The following HERC1 variants were observed in gnomAD, a reference collection of about 807,000 sequenced individuals.
The protein encoded by HERC1 is HECT and RLD domain containing E3 ubiquitin protein ligase family member 1.
In HERC1, 160 loss-of-function variants were observed where a neutral mutation model predicts 554.3. The observed-to-expected ratio is 0.29, with a 90% CI of 0.25 to 0.33. The LOEUF is 0.33. Among genes scored for constraint, HERC1 ranks in the 10% least tolerant of loss-of-function variants. The pLI, the probability that HERC1 is intolerant of heterozygous loss-of-function variation, is 1.00. For missense variants in HERC1, 4,919 were observed against 5,918.5 expected, an observed-to-expected ratio of 0.83 and a Z score of 5.54; for synonymous variants, 2,175 against 2,131.7, an observed-to-expected ratio of 1.02 and a Z score of -0.56.
chr15:63,715,980 A>G (rs1287711338), intron 22 of HERC1, among the ~76,000 whole-genome samples: 2 of 152,178 alleles, frequency 1.3e-5, no homozygotes, highest in Non-Finnish European at 2.9e-5. Flanking sequence ...CTGGTGGACA[A>G]CTTGTTGCCC....
chr15:63,617,488 T>C (rs1173783252), intron 74 of HERC1, among the ~76,000 whole-genome samples: 4 of 152,248 alleles, frequency 2.6e-5, no homozygotes, highest in Non-Finnish European at 4.4e-5. Flanking sequence ...TGTGTCCTTA[T>C]AGCAGAATGT....
At chr15:63,752,932 C>G (rs531262356) in intron 8 of HERC1, 26 bp downstream of exon 8, 4 of 1,607,270 alleles carry the variant, frequency 2.5e-6, no homozygotes, top group African/African-American at 2.7e-5. Flanking sequence ...TACTCTAAGT[C>G]TTTTATACTC....
At chr15:63,733,171 G>GT in intron 13 of HERC1, 26 bp from the exon 14 acceptor site, 1 of 1,452,718 alleles carries the variant, frequency 6.9e-7, no homozygotes, top group Non-Finnish European at 9.7e-7. Context: ...ATAGGAACAA[G>GT]TAACTAGCGT....
chr15:63,752,691 G>A lies in HERC1; in HGVS notation c.1902+267C>T, dbSNP rs376425767. 2.5e-4 allele frequency: 71 copies of A among 285,326 alleles called. 1 individual carries two copies. The highest frequency in any genetic ancestry group is 2.0e-4 in the East Asian group (3 of 14,942). The allele number at this position is 285,326 out of a possible 1,614,324, so 17.7% of individuals were successfully genotyped here. On this transcript the variant is annotated intron_variant, in intron 8 of 77. Transcript: ENST00000443617. ...CATAATGTTTTAGAAAAGGTTTAAG[G>A]GAAGCTAAATGCTAAAACATTTTAG...
Position 63,634,839 on chromosome 15 carries a change from A to G in HERC1, c.12464T>C (p.Leu4155Pro). 6.2e-7 allele frequency: 1 copy of G among 1,613,704 alleles called. No homozygotes were observed. Among genetic ancestry groups the G allele is most frequent in the Non-Finnish European group, 8.5e-7 (1 of 1,179,702 alleles). Residue 4155 changes from leucine to proline, a missense_variant, in exon 66 of 78, where the codon CTG (leucine) becomes CCG (proline). Transcript: ENST00000443617. The part of the protein sequence containing the change: ...HSAVVTSDGK[L>P]FTFGNGDYGR... Reference sequence around the variant, plus strand: ...ATAGTCACCATTCCCAAAGGTGAACAGTTTGCCATCTGAAGTGACCACTGC... The same window carrying G: ...ATAGTCACCATTCCCAAAGGTGAACGGTTTGCCATCTGAAGTGACCACTGC...
Position 63,661,028 on chromosome 15 carries a change from G to C in HERC1, c.9171-3C>G. On this transcript the variant is annotated splice_polypyrimidine_tract_variant and splice_region_variant and intron_variant, in intron 45 of 77. Transcript: ENST00000443617. ...GATCTGGAGCTTGTCCCTTGTACCT[G>C]CACCAAACATGAAGAACATTGCATT... 1 of 1,607,536 alleles carries C rather than the reference G, an allele frequency of 6.2e-7. No homozygotes were observed. Among genetic ancestry groups the C allele is most frequent in the Non-Finnish European group, 8.5e-7 (1 of 1,174,242 alleles).
At chr15:63,752,701 T>C (rs924194553) in intron 8 of HERC1, 1 of 315,024 alleles carries the variant, frequency 3.2e-6, no homozygotes, top group African/African-American at 2.1e-5. Flanking sequence ...GGAAGCTAAA[T>C]GCTAAAACAT....
In HERC1 at chr15:63,740,924, G is replaced by A. The variant is rs189475904; in HGVS notation, c.2520+5994C>T. Among the ~76,000 whole-genome samples, 174 of 152,150 alleles carry A rather than the reference G, an allele frequency of 1.1e-3. 1 individual carries two copies. The highest frequency in any genetic ancestry group is 4.1e-3 in the African/African-American group (172 of 41,520). On this transcript the variant is annotated intron_variant, in intron 12 of 77. Coordinates refer to ENST00000443617, the MANE Select transcript of HERC1 (RefSeq NM_003922.4). ...TTGAAGCACAAATGTTTTTAATTTT[G>A]ATGATGTCCAATTTATTTTTCCTTT...
intron 74 of HERC1, among the ~76,000 whole-genome samples, chr15:63,619,888 CTTCT>C (rs2067996590): frequency 1.3e-5 from 2 of 151,878 alleles, no homozygotes; most frequent in Non-Finnish European, 2.9e-5. Flanking sequence ...TCTCTCTTTT[CTTCT>C]TTATTAGTCT....
intron 26 of HERC1, 121 bp downstream of exon 26, chr15:63,698,607 G>A: frequency 2.1e-6 from 2 of 941,490 alleles, no homozygotes; most frequent in Non-Finnish European, 3.1e-6. Flanking sequence ...AAAAGCTCAG[G>A]TACAGGAAAG....
intron 36 of HERC1, among the ~76,000 whole-genome samples, chr15:63,679,002 C>T (rs752934872): frequency 9.9e-5 from 15 of 152,166 alleles, no homozygotes; most frequent in South Asian, 2.1e-4. Context: ...TTGCCAGTCA[C>T]ACTGTAAATG....
In HERC1 at chr15:63,705,422, TTTCTA is replaced by T. The variant is rs1295197093; in HGVS notation, c.4636+1353_4636+1357del. ...GTGAGCCACCACACCTGGCCCATTC[TTTCTA>T]TTCTAATTGTAATTAAATGATGAAA... On this transcript the variant is annotated intron_variant, in intron 25 of 77. Transcript: ENST00000443617. 2.6e-5 allele frequency among the ~76,000 whole-genome samples: 4 copies of T among 152,144 alleles called. No individual in the cohort carries two copies. The East Asian group carries it at 5.8e-4, about 22-fold the overall frequency.
Position 63,645,630 on chromosome 15 carries a change from C to T in HERC1, c.10931G>A (p.Cys3644Tyr). ...WDPTGHILMT[C>Y]AKEDSVKLWG... ...GAGTTTCACACTGTCTTCTTTGGCA[C>T]ATGTCATAAGAATATGACCTGTAGG... The change falls in exon 56 of 78, where the codon TGT becomes TAT. Residue 3644 changes from cysteine (C) to tyrosine (Y), a missense_variant. Physicochemically the swap from Cys to Tyr is radical, Grantham distance 194 (BLOSUM62 -2). This residue lies in a region of HERC1 where 1,963 missense variants were observed against 2,228.6 expected (regional missense o/e 0.88). Transcript: ENST00000443617. 1 of 1,611,212 alleles carries T rather than the reference C, an allele frequency of 6.2e-7. No homozygotes were observed. The highest frequency in any genetic ancestry group is 8.5e-7 in the Non-Finnish European group (1 of 1,178,616).
At chr15:63,634,056 G>T in intron 66 of HERC1, 86 bp from the exon 67 acceptor site, 1 of 1,500,632 alleles carries the variant, frequency 6.7e-7, no homozygotes. Flanking sequence ...CTCTACTTCA[G>T]TGAAAAACTT....
chr15:63,801,104 T>C (rs1437661588), intron 1 of HERC1, among the ~76,000 whole-genome samples: 2 of 152,148 alleles, frequency 1.3e-5, no homozygotes, highest in African/African-American at 4.8e-5. Context: ...GGAAAAGGCA[T>C]AGAAACTCCA....
At chr15:63,724,101 A>G (rs755604433) in intron 18 of HERC1, among the ~76,000 whole-genome samples, 1 of 152,242 alleles carries the variant, frequency 6.6e-6, no homozygotes, top group Non-Finnish European at 1.5e-5. Context: ...ATGATTTTAT[A>G]ACTTAAAAAG....
intron 25 of HERC1, among the ~76,000 whole-genome samples, chr15:63,703,871 C>T (rs538303197): frequency 1.1e-4 from 16 of 151,020 alleles, no homozygotes; most frequent in South Asian, 6.3e-4. Context: ...GAGCTGTGAT[C>T]GCACCACTGT....
At chr15:63,644,731 T>C (rs1254313864) in intron 57 of HERC1, among the ~76,000 whole-genome samples, 1 of 152,252 alleles carries the variant, frequency 6.6e-6, no homozygotes, top group Non-Finnish European at 1.5e-5. Flanking sequence ...ATGACTCGTC[T>C]ATCTGTAGTA....
intron 2 of HERC1, among the ~76,000 whole-genome samples, chr15:63,774,106 TA>T (rs2076040530): frequency 6.6e-6 from 1 of 152,186 alleles, no homozygotes; most frequent in Admixed American, 6.5e-5. Flanking sequence ...CCACATTAAC[TA>T]AAACAGCAAC....
Sources: gnomAD v4.1 joint callset for allele counts (sites outside exome capture counted in the v4.1 genomes callset) on GRCh38, gnomAD v4.1.1 for gene constraint, gnomAD v4.1.1 regional missense constraint, MANE v1.5 for transcripts, NCBI Gene and HGNC (gene_info 2026-07-23, HGNC 2026-07-21) for gene names.